The following AFG2A variants were observed in gnomAD, a reference collection of about 807,000 sequenced individuals.
AFG2A encodes ATPase family gene 2 protein homolog A.
At chr4:122,987,519 G>A in the AFG2A span, among the ~76,000 whole-genome samples, 10 of 150,590 alleles carry the variant, frequency 6.6e-5, no homozygotes, top group Non-Finnish European at 1.5e-4. Context: ...GTCTTCCTTT[G>A]TGATGTGATT....
the AFG2A span, among the ~76,000 whole-genome samples, chr4:123,065,136 C>G: frequency 6.6e-6 from 1 of 152,148 alleles, no homozygotes; most frequent in Non-Finnish European, 1.5e-5. Context: ...GTTAACTAAC[C>G]TTTCAAGCTT....
the AFG2A span, chr4:122,933,581 G>A: frequency 1.0e-6 from 1 of 1,002,184 alleles, no homozygotes; most frequent in East Asian, 2.5e-5. Flanking sequence ...GCTTATATAT[G>A]CATAGTAGTT....
chr4:122,944,330 T>C, the AFG2A span, among the ~76,000 whole-genome samples: 7,855 of 151,660 alleles, frequency 0.052, 643 homozygotes, highest in African/African-American at 0.18. Flanking sequence ...ATGCTTTGTT[T>C]GTTTCTTTTT....
chr4:123,225,805 G>A, the AFG2A span, among the ~76,000 whole-genome samples: 6 of 152,032 alleles, frequency 3.9e-5, no homozygotes, highest in South Asian at 2.1e-4. Flanking sequence ...CTTGGGCAGT[G>A]TGGCCATTTT....
At chr4:123,184,793 C>T in the AFG2A span, among the ~76,000 whole-genome samples, 1 of 151,876 alleles carries the variant, frequency 6.6e-6, no homozygotes, top group Non-Finnish European at 1.5e-5. Context: ...GCCTAGGCCT[C>T]CCAAAGTGCT....
chr4:123,212,489 A>C, the AFG2A span, among the ~76,000 whole-genome samples: 1 of 152,204 alleles, frequency 6.6e-6, no homozygotes, highest in Non-Finnish European at 1.5e-5. Context: ...AGGCAAAAGA[A>C]ACACCGTAAG....
At chr4:123,060,629 G>A in the AFG2A span, among the ~76,000 whole-genome samples, 1 of 152,240 alleles carries the variant, frequency 6.6e-6, no homozygotes, top group Admixed American at 6.5e-5. Context: ...TGGCAGGGGG[G>A]GCCCTGGACC....
chr4:123,130,643 T>G, the AFG2A span, among the ~76,000 whole-genome samples: 1 of 152,224 alleles, frequency 6.6e-6, no homozygotes, highest in African/African-American at 2.4e-5. Context: ...TGCACTACAG[T>G]TTGTTTATAC....
chr4:123,115,911 A>T, the AFG2A span, among the ~76,000 whole-genome samples: 50 of 152,186 alleles, frequency 3.3e-4, no homozygotes, highest in Middle Eastern at 0.02. Context: ...TTTTTAAAAA[A>T]TTTTTTGAGA....
the AFG2A span, among the ~76,000 whole-genome samples, chr4:122,978,794 G>C: frequency 3.9e-5 from 6 of 152,254 alleles, no homozygotes; most frequent in Non-Finnish European, 8.8e-5. Context: ...GCCACCTTGA[G>C]CACATGAACA....
chr4:122,995,247 G>A, the AFG2A span, among the ~76,000 whole-genome samples: 6 of 152,156 alleles, frequency 3.9e-5, no homozygotes, highest in Non-Finnish European at 8.8e-5. Context: ...GGAATAAATA[G>A]TATAACCTGT....
chr4:123,141,451 G>A, the AFG2A span, among the ~76,000 whole-genome samples: 1 of 152,226 alleles, frequency 6.6e-6, no homozygotes, highest in South Asian at 2.1e-4. Context: ...GTGACAGAGC[G>A]AGACTCGGTC....
the AFG2A span, among the ~76,000 whole-genome samples, chr4:123,142,834 T>G: frequency 6.6e-6 from 1 of 152,110 alleles, no homozygotes; most frequent in African/African-American, 2.4e-5. Flanking sequence ...TGTAGAAATA[T>G]TAGGGGATCA....
At chr4:123,009,100 C>T in the AFG2A span, among the ~76,000 whole-genome samples, 1 of 152,114 alleles carries the variant, frequency 6.6e-6, no homozygotes, top group African/African-American at 2.4e-5. Context: ...TAAAAATAAG[C>T]AAAGGGAAAA....
the AFG2A span, among the ~76,000 whole-genome samples, chr4:122,940,847 A>G: frequency 1.3e-5 from 2 of 151,202 alleles, no homozygotes; most frequent in African/African-American, 2.4e-5. Context: ...AGCTTTCTAC[A>G]TATGGCTAGC....
the AFG2A span, among the ~76,000 whole-genome samples, chr4:123,310,299 T>C: frequency 0.69 from 105,014 of 152,124 alleles, 38,393 homozygotes; most frequent in Non-Finnish European, 0.81. Flanking sequence ...CACATGACTT[T>C]GAAAACACTA....
the AFG2A span, among the ~76,000 whole-genome samples, chr4:123,009,205 A>G: frequency 6.6e-6 from 1 of 152,220 alleles, no homozygotes; most frequent in Non-Finnish European, 1.5e-5. Flanking sequence ...TCTCCCAGCA[A>G]CTATGTGTGA....
At chr4:123,256,302 G>T in the AFG2A span, 3 of 1,111,096 alleles carry the variant, frequency 2.7e-6, no homozygotes, top group Admixed American at 4.9e-5. Context: ...CTTGAAACAG[G>T]AAGTGCAGTA....
At chr4:123,189,463 A>G in the AFG2A span, among the ~76,000 whole-genome samples, 1 of 151,762 alleles carries the variant, frequency 6.6e-6, no homozygotes, top group African/African-American at 2.4e-5. Context: ...TCTTTTTTTT[A>G]ATTTGACTCT....
Sources: gnomAD v4.1 joint callset for allele counts (sites outside exome capture counted in the v4.1 genomes callset) on GRCh38, gnomAD v4.1.1 for gene constraint, MANE v1.5 for transcripts, NCBI Gene and HGNC (gene_info 2026-07-23, HGNC 2026-07-21) for gene names.